Variants in ZFYVE26 observed in about 807,000 individuals in gnomAD.
The protein encoded by ZFYVE26 is zinc finger FYVE domain-containing protein 26.
A neutral mutation model predicts 276.5 loss-of-function variants in ZFYVE26; 181 were observed. The observed-to-expected ratio is 0.65, with a 90% confidence interval of 0.58 to 0.74. ZFYVE26 has a LOEUF of 0.74. Ranked by LOEUF, ZFYVE26 falls within the 30% of genes least tolerant of loss-of-function variation. The probability of loss-of-function intolerance (pLI) is 0.00; values close to 1 mark genes in which losing one functional copy is unlikely to be tolerated. For missense variants in ZFYVE26, 2,821 were observed against 3,097.9 expected (o/e 0.91, Z 2.12); for synonymous variants, 1,129 against 1,203.1 (o/e 0.94, Z 1.27).
chr14:67,764,093 C>T (rs2038999433), intron 32 of ZFYVE26, among the ~76,000 whole-genome samples: 1 of 152,148 alleles, frequency 6.6e-6, no homozygotes, highest in African/African-American at 2.4e-5. Context: ...TCTGTGATCT[C>T]ACCTGATGCT....
At chr14:67,759,443 G>T (rs2038876211) in intron 35 of ZFYVE26, among the ~76,000 whole-genome samples, 1 of 151,770 alleles carries the variant, frequency 6.6e-6, no homozygotes, top group South Asian at 2.1e-4. Flanking sequence ...GGCCAACATG[G>T]TGAAACCCTG....
chr14:67,729,528 G>A lies in ZFYVE26; in HGVS notation n.2971C>T, dbSNP rs575566176. On this transcript the variant is annotated non_coding_transcript_exon_variant, in exon 14 of 15. Transcript: ENST00000394455. ...CCTGCAAACAGAATGCCGTTGCTTT[G>A]TTAAGGAAACTTACAGTACAAACTT... is the stretch of plus-strand genomic sequence containing the variant. 4.9e-5 allele frequency: 38 copies of A among 769,112 alleles called. No individual in the cohort carries two copies. The East Asian group carries it at 9.8e-4, about 20-fold the overall frequency. 47.6% of individuals were successfully genotyped at this position (769,112 alleles called of 1,614,324 possible). A position where few individuals can be genotyped will look rare whatever the true frequency, so the allele number is the denominator to read the frequency against.
Position 67,798,172 on chromosome 14 carries a change from T to C in ZFYVE26, c.2090A>G (p.Asp697Gly), listed in dbSNP as rs770934562. Residue 697 changes from aspartate (D) to glycine (G), a missense_variant, in exon 11 of 42, where the codon GAT becomes GGT. Physicochemically the swap from Asp to Gly is moderately conservative, Grantham distance 94. Transcript: ENST00000347230. ...AFLRLLQEQLDEISSRSPPEK... is the reference protein window; with the variant it reads ...AFLRLLQEQLGEISSRSPPEK... ...AGGAGGGCTGCGGCTACTGATCTCA[T>C]CCAGTTGCTCTTGGAGAAGCCTGAG... The C allele has an allele frequency of 2.5e-6, 4 of 1,614,162 alleles. No individual in the cohort carries two copies. Among genetic ancestry groups the C allele is most frequent in the East Asian group, 2.2e-5 (1 of 44,878 alleles).
Position 67,751,104 on chromosome 14 carries a change from G to T in ZFYVE26, c.7372-8C>A. 1 of 1,614,160 alleles carries T rather than the reference G, an allele frequency of 6.2e-7. No homozygotes were observed. Among genetic ancestry groups the T allele is most frequent in the Non-Finnish European group, 8.5e-7 (1 of 1,180,030 alleles). On this transcript the variant is annotated splice_polypyrimidine_tract_variant and splice_region_variant and intron_variant, in intron 40 of 41. Coordinates refer to ENST00000347230, the MANE Select transcript of ZFYVE26 (RefSeq NM_015346.4). Reference sequence around the variant, plus strand: ...GATCAGGCCCTCCAGCTCCTGTGCAGAACAGAAACAGCACTGTGAGAGGGA... The same window carrying T: ...GATCAGGCCCTCCAGCTCCTGTGCATAACAGAAACAGCACTGTGAGAGGGA...
rs770197709 is a variant in ZFYVE26, at chr14:67,783,418, T to TG, written c.3733dup (p.Gln1245ProfsTer23). 1 of 1,614,190 alleles carries TG rather than the reference T, an allele frequency of 6.2e-7. No individual in the cohort carries two copies. The stretch of plus-strand genomic sequence containing the variant: ...CAGACGAGTCAGGAGGGAGGAGGTC[T>TG]GCTGGCTTTGCCGGGATGAGCAAAG... On this transcript the variant is annotated frameshift_variant, in exon 21 of 42. Coordinates refer to ENST00000347230, the MANE Select transcript of ZFYVE26 (RefSeq NM_015346.4). LOFTEE classifies it high-confidence loss of function.
Position 67,768,513 on chromosome 14 carries a change from T to G in ZFYVE26, c.5653+4A>C. 6.2e-7 allele frequency: 1 copy of G among 1,614,122 alleles called. No homozygotes were observed. Among genetic ancestry groups the G allele is most frequent in the South Asian group, 1.1e-5 (1 of 91,082 alleles). ...GAGTCACAGAGAACGGGATTTGGCC[T>G]TACCTTCTGGTTTTTCTGAAGGCTC... On this transcript the variant is annotated splice_donor_region_variant and intron_variant, in intron 30 of 41. Coordinates refer to ENST00000347230, the MANE Select transcript of ZFYVE26 (RefSeq NM_015346.4).
At chr14:67,729,060 G>A in intron 14 of ZFYVE26, 1 of 911,466 alleles carries the variant, frequency 1.1e-6, no homozygotes. Flanking sequence ...GGCCAGGAGT[G>A]GTACCTGCTG....
intron 13 of ZFYVE26, among the ~76,000 whole-genome samples, chr14:67,739,193 G>A (rs567793713): frequency 6.6e-6 from 1 of 152,178 alleles, no homozygotes; most frequent in Non-Finnish European, 1.5e-5. Context: ...GAAATTTTCT[G>A]TCTTGTGTTG....
In ZFYVE26 at chr14:67,797,720, G is replaced by A. The variant is rs573210032; in HGVS notation, c.2284C>T (p.Arg762Cys). ...CGACCCCGGCGGAGACTGGGGTGAC[G>A]TGTGGCAGGCTGGTATCTTCGGGAA... ...QPSRRYQPAT[R>C]HPSLRRGRRT... The change falls in exon 12 of 42, where the codon CGT (arginine) becomes TGT (cysteine). Residue 762 changes from arginine (R) to cysteine (C), a missense_variant. By Grantham distance (180) the Arg-to-Cys change is radical (BLOSUM62 -3). Coordinates refer to ENST00000347230, the MANE Select transcript of ZFYVE26 (RefSeq NM_015346.4). The A allele has an allele frequency of 1.4e-5, 22 of 1,614,182 alleles. No homozygotes were observed. In the African/African-American group the frequency reaches 1.7e-4, roughly 13 times the overall value.
chr14:67,742,340 A>G (rs1484777461), downstream of ZFYVE26, among the ~76,000 whole-genome samples: 1 of 152,216 alleles, frequency 6.6e-6, no homozygotes, highest in African/African-American at 2.4e-5. Context: ...GTTGCACAAC[A>G]ATGCAAATGT....
chr14:67,796,220 A>ATT (rs71129861), intron 12 of ZFYVE26: 4,523 of 145,824 alleles, frequency 0.031, 98 homozygotes, highest in African/African-American at 0.06. Flanking sequence ...AGAAGAAAGG[A>ATT]TTTTTTTTTT....
intron 2 of ZFYVE26, chr14:67,815,506 T>C (rs1021392318): frequency 3.7e-6 from 2 of 534,796 alleles, no homozygotes; most frequent in Non-Finnish European, 6.8e-6. Flanking sequence ...ACCATCTATA[T>C]TAACGAGGAT....
intron 13 of ZFYVE26, chr14:67,729,848 G>C: frequency 2.2e-6 from 1 of 460,318 alleles, no homozygotes; most frequent in East Asian, 6.6e-5. Context: ...AGAAATTTTA[G>C]TGCTGAATCT....
rs1317757501 is a variant in ZFYVE26, at chr14:67,756,147, TG to T, written c.6589-3del. On this transcript the variant is annotated splice_region_variant and splice_polypyrimidine_tract_variant and intron_variant, in intron 35 of 41. Transcript: ENST00000347230. Reference sequence around the variant, plus strand: ...TATAAAAACTTCTGGAGGACTCTCCTGGAGCAGGGCAGGGCGAGAAGTCAGA... The same window carrying T: ...TATAAAAACTTCTGGAGGACTCTCCTGAGCAGGGCAGGGCGAGAAGTCAGA... The T allele has an allele frequency of 9.3e-6, 15 of 1,613,958 alleles. No individual in the cohort carries two copies. The highest frequency in any genetic ancestry group is 1.2e-5 in the Non-Finnish European group (14 of 1,179,930).
At position 67,806,581 on chromosome 14, in the gene ZFYVE26, G is replaced by A; in HGVS notation, c.981C>T (p.Cys327=). The change falls in exon 6 of 42, where the codon TGC becomes TGT. Residue 327 remains cysteine, a synonymous_variant. Coordinates refer to ENST00000347230, the MANE Select transcript of ZFYVE26 (RefSeq NM_015346.4). ...CGAGGAAGTGTTTGTTGTTGCTCAG[G>A]CAGTAGAAATAGGCCACTTTCCAAG... ...AEAWKVAYFY[C]LSNNKHFLEQ... is the part of the protein sequence containing the mutation. 6.2e-7 allele frequency: 1 copy of A among 1,614,226 alleles called. No individual in the cohort carries two copies. Among genetic ancestry groups the A allele is most frequent in the Non-Finnish European group, 8.5e-7 (1 of 1,180,036 alleles).
At chr14:67,760,987 A>G in intron 35 of ZFYVE26, 1 of 526,532 alleles carries the variant, frequency 1.9e-6, no homozygotes, top group Non-Finnish European at 3.4e-6. Flanking sequence ...GAAGCTGGAC[A>G]CCATCCCAGG....
intron 13 of ZFYVE26, 117 bp downstream of exon 13, chr14:67,794,054 C>A: frequency 8.4e-7 from 1 of 1,194,906 alleles, no homozygotes; most frequent in Non-Finnish European, 1.3e-6. Flanking sequence ...ATCTGGCCAT[C>A]TGCCAACCTT....
At chr14:67,740,938 A>G (rs1250669385) in intron 13 of ZFYVE26, among the ~76,000 whole-genome samples, 2 of 152,178 alleles carry the variant, frequency 1.3e-5, no homozygotes, top group African/African-American at 4.8e-5. Context: ...GAATTGTTTA[A>G]TATTGCAAAT....
At chr14:67,803,028 A>C (rs1288077898) in intron 9 of ZFYVE26, among the ~76,000 whole-genome samples, 2 of 152,216 alleles carry the variant, frequency 1.3e-5, no homozygotes, top group African/African-American at 4.8e-5. Flanking sequence ...TGTATTCCCA[A>C]AATAGATACA....
Sources: gnomAD v4.1 joint callset for allele counts (sites outside exome capture counted in the v4.1 genomes callset) on GRCh38, gnomAD v4.1.1 for gene constraint, MANE v1.5 for transcripts, NCBI Gene and HGNC (gene_info 2026-07-23, HGNC 2026-07-21) for gene names.